CDH13: variants seen among roughly 807,000 people sequenced by gnomAD.
CDH13 encodes cadherin-13.
CDH13 carries 24 observed loss-of-function variants against 63.8 expected under a neutral mutation model. The ratio of observed to expected loss-of-function variants is 0.38; its 90% CI spans 0.27 to 0.53. The LOEUF (loss-of-function observed/expected upper bound fraction) is 0.53. Ranked by LOEUF, CDH13 falls within the 20% of genes least tolerant of loss-of-function variation. The pLI, the probability that CDH13 is intolerant of heterozygous loss-of-function variation, is 0.85. For missense variants in CDH13, 1,049 were observed against 903.1 expected, an observed-to-expected ratio of 1.16 and a Z score of -2.07; for synonymous variants, 503 against 355.3, an observed-to-expected ratio of 1.42 and a Z score of -4.67.
In CDH13 at chr16:83,051,868, C is replaced by G. The variant is rs1469106759; in HGVS notation, c.366+19650C>G. Among the ~76,000 whole-genome samples the G allele has an allele frequency of 2.6e-5, 4 of 152,200 alleles. No individual in the cohort carries two copies. The East Asian group carries it at 5.8e-4, about 22-fold the overall frequency. On this transcript the variant is annotated intron_variant, in intron 3 of 13. Coordinates refer to ENST00000567109, the MANE Select transcript of CDH13 (RefSeq NM_001257.5). Reference sequence around the variant, plus strand: ...TCTGTTACCCCTAAGAGACACAGCCCTCTTTTCTGAGGCGTCTTTCTTTCC... The same window carrying G: ...TCTGTTACCCCTAAGAGACACAGCCGTCTTTTCTGAGGCGTCTTTCTTTCC...
At chr16:83,682,472 G>T (rs1408488690) in intron 10 of CDH13, among the ~76,000 whole-genome samples, 1 of 152,170 alleles carries the variant, frequency 6.6e-6, no homozygotes, top group African/African-American at 2.4e-5. Context: ...TTGAGGACAG[G>T]TAAAATTAAA....
At chr16:82,802,029 G>A (rs1320675573) in intron 1 of CDH13, among the ~76,000 whole-genome samples, 2 of 152,178 alleles carry the variant, frequency 1.3e-5, no homozygotes, top group Non-Finnish European at 2.9e-5. Flanking sequence ...CAGTTCCGTT[G>A]AGGATCTCTG....
chr16:83,165,288 A>T (rs978095166), intron 4 of CDH13, among the ~76,000 whole-genome samples: 3 of 152,060 alleles, frequency 2.0e-5, no homozygotes, highest in Non-Finnish European at 4.4e-5. Flanking sequence ...TCTGTTGGCA[A>T]AAACAATGCC....
intron 10 of CDH13, among the ~76,000 whole-genome samples, chr16:83,681,757 G>A (rs765113898): frequency 2.0e-5 from 3 of 152,168 alleles, no homozygotes; most frequent in African/African-American, 4.8e-5. Context: ...TCTCCCTTGG[G>A]GCCTGTGTGT....
At chr16:82,887,244 C>T (rs948045800) in intron 2 of CDH13, among the ~76,000 whole-genome samples, 6 of 152,132 alleles carry the variant, frequency 3.9e-5, no homozygotes, top group Admixed American at 3.9e-4. Context: ...GCCAGCTGGC[C>T]TGTGTTGTGA....
intron 2 of CDH13, among the ~76,000 whole-genome samples, chr16:83,012,398 A>T (rs999927820): frequency 1.3e-5 from 2 of 150,666 alleles, no homozygotes; most frequent in African/African-American, 4.9e-5. Flanking sequence ...CCCTGGTCCA[A>T]GGAAAATATA....
intron 3 of CDH13, among the ~76,000 whole-genome samples, chr16:83,050,016 G>C (rs1367236326): frequency 1.3e-5 from 2 of 152,260 alleles, no homozygotes; most frequent in East Asian, 3.9e-4. Context: ...TTGTATACTT[G>C]CAAGATTTAC....
At chr16:82,813,827 A>C (rs1348213016) in intron 1 of CDH13, among the ~76,000 whole-genome samples, 4 of 152,214 alleles carry the variant, frequency 2.6e-5, no homozygotes, top group African/African-American at 7.2e-5. Context: ...TTTGAAGTTC[A>C]ATCAGTCTTG....
At chr16:83,730,041 A>G (rs1205000582) in intron 10 of CDH13, among the ~76,000 whole-genome samples, 2 of 152,218 alleles carry the variant, frequency 1.3e-5, no homozygotes, top group Non-Finnish European at 2.9e-5. Flanking sequence ...CCTACCTACT[A>G]TAAAGATTTA....
At chr16:83,399,994 C>G (rs926178654) in intron 6 of CDH13, among the ~76,000 whole-genome samples, 4 of 152,180 alleles carry the variant, frequency 2.6e-5, no homozygotes, top group African/African-American at 7.2e-5. Flanking sequence ...CATTATTAAT[C>G]CTCTAGAATT....
intron 1 of CDH13, among the ~76,000 whole-genome samples, chr16:82,837,991 G>C (rs2151126296): frequency 6.6e-6 from 1 of 152,260 alleles, no homozygotes; most frequent in South Asian, 2.1e-4. Context: ...AGGACTAGAG[G>C]TCATAAGGCC....
intron 2 of CDH13, among the ~76,000 whole-genome samples, chr16:82,936,816 A>G (rs1234772659): frequency 7.0e-6 from 1 of 143,458 alleles, no homozygotes; most frequent in Admixed American, 6.7e-5. Context: ...GTTTAGGGAA[A>G]GAACAGGTGG....
intron 3 of CDH13, among the ~76,000 whole-genome samples, chr16:83,084,339 C>G (rs1320416843): frequency 6.6e-6 from 1 of 152,118 alleles, no homozygotes; most frequent in Non-Finnish European, 1.5e-5. Flanking sequence ...TCTCTTGTGT[C>G]CCTTTTTACG....
intron 1 of CDH13, among the ~76,000 whole-genome samples, chr16:82,765,806 A>G (rs1368157505): frequency 6.6e-6 from 1 of 152,178 alleles, no homozygotes. Context: ...TTCATTGAGC[A>G]TCTACATAGG....
At chr16:82,923,055 G>C (rs1207798884) in intron 2 of CDH13, among the ~76,000 whole-genome samples, 1 of 151,884 alleles carries the variant, frequency 6.6e-6, no homozygotes, top group Non-Finnish European at 1.5e-5. Context: ...ACATTTTATT[G>C]CAAAAAAAAT....
chr16:83,082,910 G>C (rs1001366016), intron 3 of CDH13, among the ~76,000 whole-genome samples: 2 of 152,160 alleles, frequency 1.3e-5, no homozygotes, highest in Non-Finnish European at 2.9e-5. Context: ...CATGCAAAGG[G>C]AAAAATGATT....
chr16:83,343,121 A>G (rs1486927263), intron 5 of CDH13, among the ~76,000 whole-genome samples: 5 of 152,090 alleles, frequency 3.3e-5, no homozygotes, highest in Admixed American at 2.6e-4. Flanking sequence ...CCAGAAATCA[A>G]GTATGTATGT....
At chr16:83,041,850 T>C (rs74428496) in intron 3 of CDH13, among the ~76,000 whole-genome samples, 4,396 of 152,322 alleles carry the variant, frequency 0.029, 89 homozygotes, top group Non-Finnish European at 0.049. Context: ...GAGACACATT[T>C]AATAAAACAA....
chr16:83,403,617 C>A (rs572610400), intron 6 of CDH13, among the ~76,000 whole-genome samples: 133 of 151,330 alleles, frequency 8.8e-4, no homozygotes, highest in Non-Finnish European at 1.6e-3. Context: ...AGCGAGACTC[C>A]GTCTCAAAAA....
Sources: allele counts gnomAD v4.1 joint callset (sites outside exome capture counted in the v4.1 genomes callset), GRCh38; gene constraint gnomAD v4.1.1; transcripts MANE v1.5; gene names NCBI Gene and HGNC (gene_info 2026-07-23, HGNC 2026-07-21).